The following ACOXL variants were observed in gnomAD, a reference collection of about 807,000 sequenced individuals.
ACOXL encodes acyl-coenzyme A oxidase-like protein.
A neutral mutation model predicts 71.9 loss-of-function variants in ACOXL; 70 were observed. The ratio of observed to expected loss-of-function variants is 0.97; its 90% CI spans 0.80 to 1.19. The LOEUF is 1.19. Among genes scored for constraint, ACOXL ranks in the 50% most tolerant of loss-of-function variants. ACOXL has a pLI of 0.00. For missense variants in ACOXL, 703 were observed against 736.3 expected, an observed-to-expected ratio of 0.95 and a Z score of 0.52; for synonymous variants, 253 against 281.6, an observed-to-expected ratio of 0.90 and a Z score of 1.02.
intron 10 of ACOXL, among the ~76,000 whole-genome samples, chr2:110,900,448 TA>T (rs2059190537): frequency 6.6e-6 from 1 of 152,172 alleles, no homozygotes; most frequent in Non-Finnish European, 1.5e-5. Context: ...AGGCATCACT[TA>T]GTCCTCATGC....
At chr2:110,776,292 TG>T (rs1243422470) in intron 2 of ACOXL, among the ~76,000 whole-genome samples, 1 of 152,176 alleles carries the variant, frequency 6.6e-6, no homozygotes, top group Non-Finnish European at 1.5e-5. Context: ...TAGTGTTTAA[TG>T]GGTGTAGATT....
At chr2:110,963,335 C>G (rs2061778347) in intron 12 of ACOXL, among the ~76,000 whole-genome samples, 1 of 151,930 alleles carries the variant, frequency 6.6e-6, no homozygotes, top group Non-Finnish European at 1.5e-5. Flanking sequence ...AAAAATCAGT[C>G]CACTTTATTG....
At chr2:110,897,425 C>T (rs1237932754) in intron 10 of ACOXL, among the ~76,000 whole-genome samples, 2 of 152,208 alleles carry the variant, frequency 1.3e-5, no homozygotes, top group African/African-American at 4.8e-5. Context: ...GCCCTGGCAT[C>T]TTTTAAGGGC....
At chr2:110,840,248 A>G (rs917768371) in intron 9 of ACOXL, among the ~76,000 whole-genome samples, 1 of 152,210 alleles carries the variant, frequency 6.6e-6, no homozygotes, top group South Asian at 2.1e-4. Context: ...TGAAACTTAC[A>G]TAGGCATGTT....
chr2:111,027,261 CTA>C (rs1175787633), intron 14 of ACOXL, among the ~76,000 whole-genome samples: 1 of 151,582 alleles, frequency 6.6e-6, no homozygotes, highest in Non-Finnish European at 1.5e-5. Context: ...TAAGTTCTGT[CTA>C]TGTGTGGGAG....
chr2:110,804,222 G>T (rs1419313687), intron 8 of ACOXL, among the ~76,000 whole-genome samples: 1 of 152,004 alleles, frequency 6.6e-6, no homozygotes, highest in Non-Finnish European at 1.5e-5. Context: ...CCTGACTTCG[G>T]ATGATCCTCC....
chr2:110,919,470 TG>T (rs1473674028), intron 11 of ACOXL, among the ~76,000 whole-genome samples: 4 of 152,136 alleles, frequency 2.6e-5, no homozygotes, highest in African/African-American at 9.6e-5. Flanking sequence ...GATGGGTTGA[TG>T]GGTGCAGCAA....
At chr2:110,772,568 A>G (rs1179888650) in intron 2 of ACOXL, among the ~76,000 whole-genome samples, 1 of 152,094 alleles carries the variant, frequency 6.6e-6, no homozygotes, top group Non-Finnish European at 1.5e-5. Context: ...TGGGTTGGGG[A>G]CAGATACCTG....
intron 14 of ACOXL, among the ~76,000 whole-genome samples, chr2:111,006,856 G>A (rs577203731): frequency 1.3e-5 from 2 of 152,110 alleles, no homozygotes; most frequent in Admixed American, 6.6e-5. Context: ...ACCGCACCCG[G>A]CTGTCTTTCT....
intron 2 of ACOXL, among the ~76,000 whole-genome samples, chr2:110,780,177 T>C (rs1443835148): frequency 2.0e-5 from 3 of 152,202 alleles, no homozygotes; most frequent in African/African-American, 7.2e-5. Context: ...CTTGAACACT[T>C]ACAAATGGCC....
At chr2:110,927,342 G>T (rs1338647595) in intron 11 of ACOXL, among the ~76,000 whole-genome samples, 1 of 152,074 alleles carries the variant, frequency 6.6e-6, no homozygotes, top group African/African-American at 2.4e-5. Flanking sequence ...ACCAAATCAT[G>T]GGTCAAGCTC....
At chr2:110,877,051 GC>G (rs1696006978) in intron 10 of ACOXL, among the ~76,000 whole-genome samples, 1 of 152,186 alleles carries the variant, frequency 6.6e-6, no homozygotes, top group Admixed American at 6.5e-5. Context: ...TGGCCCTGTT[GC>G]CCCCCATATC....
At chr2:110,739,038 G>A (rs1051177194) in intron 1 of ACOXL, among the ~76,000 whole-genome samples, 2 of 152,148 alleles carry the variant, frequency 1.3e-5, no homozygotes, top group African/African-American at 4.8e-5. Context: ...AAGTTTTGAA[G>A]TGTTCCCTTC....
rs562420205 is a variant in ACOXL at position 110,770,472 on chromosome 2, G to A, written c.75+2008G>A. ...CTGCAGGCACCTCCACGCTGACAAGGGCGCTGCAGTGTCAGCTGAGCTGGA... is the reference window on the plus strand; with the variant it reads ...CTGCAGGCACCTCCACGCTGACAAGAGCGCTGCAGTGTCAGCTGAGCTGGA... On this transcript the variant is annotated intron_variant, in intron 2 of 17. Transcript: ENST00000439055. Among the ~76,000 whole-genome samples the A allele has an allele frequency of 2.0e-5, 3 of 152,348 alleles. No homozygotes were observed. In the East Asian group the frequency reaches 5.8e-4, roughly 29 times the overall value.
At chr2:110,814,741 A>G (rs892718354) in intron 9 of ACOXL, among the ~76,000 whole-genome samples, 2 of 152,214 alleles carry the variant, frequency 1.3e-5, no homozygotes, top group Admixed American at 6.5e-5. Flanking sequence ...CTAGAAGTCT[A>G]ATGTCAAAAT....
intron 1 of ACOXL, among the ~76,000 whole-genome samples, chr2:110,746,951 T>G (rs990366994): frequency 6.6e-6 from 1 of 152,116 alleles, no homozygotes; most frequent in Non-Finnish European, 1.5e-5. Flanking sequence ...TCAAATGTAC[T>G]TGAAGAGCCC....
intron 1 of ACOXL, among the ~76,000 whole-genome samples, chr2:110,740,134 A>C (rs1051304830): frequency 1.3e-5 from 2 of 152,228 alleles, no homozygotes; most frequent in African/African-American, 4.8e-5. Context: ...TGCTGCAGGG[A>C]GTACCCTCGT....
At chr2:110,830,625 C>G (rs1383178456) in intron 9 of ACOXL, among the ~76,000 whole-genome samples, 3 of 152,184 alleles carry the variant, frequency 2.0e-5, no homozygotes, top group African/African-American at 7.2e-5. Flanking sequence ...GCTCCGCCTC[C>G]CAGGCTCATG....
At position 110,908,811 on chromosome 2, in the gene ACOXL, A is replaced by C; in HGVS notation, c.811A>C (p.Thr271Pro). Residue 271 changes from threonine (T) to proline (P), a missense_variant, in exon 11 of 18, where the codon ACC (threonine) becomes CCC (proline). Transcript: ENST00000439055. ...SHSRRQFGPK[T>P]KEEVKIIEHQ... The stretch of plus-strand genomic sequence containing the variant: ...TAGCCGGAGGCAGTTTGGGCCCAAA[A>C]CCAAGGAAGAGGTGAAGATCATTGA... 1 of 1,614,088 alleles carries C rather than the reference A, an allele frequency of 6.2e-7. No individual in the cohort carries two copies. The highest frequency in any genetic ancestry group is 8.5e-7 in the Non-Finnish European group (1 of 1,179,980).
Sources: gnomAD v4.1 joint callset for allele counts (sites outside exome capture counted in the v4.1 genomes callset) on GRCh38, gnomAD v4.1.1 for gene constraint, MANE v1.5 for transcripts, NCBI Gene and HGNC (gene_info 2026-07-23, HGNC 2026-07-21) for gene names.